The following UBR4 variants were observed in gnomAD, a reference collection of about 807,000 sequenced individuals.
UBR4 encodes the protein E3 ubiquitin-protein ligase UBR4.
A neutral mutation model predicts 575.6 loss-of-function variants in UBR4; 124 were observed. The ratio of observed to expected loss-of-function variants is 0.22; its 90% CI spans 0.19 to 0.25. The LOEUF (loss-of-function observed/expected upper bound fraction) is 0.25, where lower values mean the gene tolerates loss of function less well. Among genes scored for constraint, UBR4 ranks in the 10% least tolerant of loss-of-function variants. The pLI is 1.00. For missense variants in UBR4, 4,818 were observed against 6,478.8 expected, an observed-to-expected ratio of 0.74 and a Z score of 8.80; for synonymous variants, 2,455 against 2,473.7, an observed-to-expected ratio of 0.99 and a Z score of 0.22.
chr1:19,151,417 C>G, intron 48 of UBR4: 2 of 611,832 alleles, frequency 3.3e-6, no homozygotes, highest in South Asian at 3.9e-5. Context: ...GAAATGAATA[C>G]TCAACACAGT....
At chr1:19,166,831 C>T (rs554647892) in intron 29 of UBR4, among the ~76,000 whole-genome samples, 191 bp downstream of exon 29, 4 of 150,172 alleles carry the variant, frequency 2.7e-5, no homozygotes, top group East Asian at 3.9e-4. Flanking sequence ...GCTTGAGCCC[C>T]GGAGGCAGAG....
intron 17 of UBR4, among the ~76,000 whole-genome samples, chr1:19,180,024 A>T (rs1032524290): frequency 7.9e-5 from 12 of 152,180 alleles, no homozygotes; most frequent in Admixed American, 3.9e-4. Flanking sequence ...GTTTCCGTGG[A>T]CTACACAGTT....
At chr1:19,143,777 T>A (rs1412586776) in intron 55 of UBR4, among the ~76,000 whole-genome samples, 1 of 152,228 alleles carries the variant, frequency 6.6e-6, no homozygotes, top group African/African-American at 2.4e-5. Context: ...TGGCCTTTAA[T>A]CTTTATTTTT....
intron 102 of UBR4, among the ~76,000 whole-genome samples, chr1:19,083,676 A>G (rs1484624007): frequency 6.6e-6 from 1 of 152,216 alleles, no homozygotes; most frequent in Non-Finnish European, 1.5e-5. Context: ...CTGGGACTAC[A>G]GGTGTGAGCC....
intron 51 of UBR4, 120 bp downstream of exon 51, chr1:19,147,873 C>G: frequency 1.4e-6 from 2 of 1,440,170 alleles, no homozygotes; most frequent in South Asian, 1.4e-5. Context: ...AAATGTAGGT[C>G]TAATCTGAAT....
chr1:19,160,487 T>G (rs2087151119), intron 38 of UBR4, among the ~76,000 whole-genome samples: 1 of 152,160 alleles, frequency 6.6e-6, no homozygotes, highest in Non-Finnish European at 1.5e-5. Context: ...CAGAGCAATC[T>G]TTCTAAACCA....
Position 19,103,144 on chromosome 1 carries a change from C to T in UBR4, c.12901+940G>A, listed in dbSNP as rs1023031065. On this transcript the variant is annotated intron_variant, in intron 87 of 105. Transcript: ENST00000375254. ...GGTCACAGTCAAAACTCATAAAACA[C>T]AACAAGACTTTAAGGTATCATCAGC... is the stretch of plus-strand genomic sequence containing the variant. 8.5e-5 allele frequency among the ~76,000 whole-genome samples: 13 copies of T among 152,122 alleles called. 1 individual carries two copies. The highest frequency in any genetic ancestry group is 8.5e-4 in the Admixed American group (13 of 15,268).
Position 19,173,025 on chromosome 1 carries a change from G to C in UBR4, c.3360C>G (p.Ser1120=), listed in dbSNP as rs1458100002. ...AGATCGCGGCATCAAGGGTGTAGAT[G>C]GACTGCAGACTGGGAATTTCATGCA... ...LQLHEIPSLQ[S]IYTLDAAISK... The change falls in exon 25 of 106, where the codon TCC becomes TCG. Residue 1120 remains serine (S), a synonymous_variant. Transcript: ENST00000375254. The C allele has an allele frequency of 1.2e-6, 2 of 1,613,644 alleles. No homozygotes were observed. Among genetic ancestry groups the C allele is most frequent in the Non-Finnish European group, 1.7e-6 (2 of 1,179,908 alleles).
chr1:19,170,702 T>C, intron 26 of UBR4, 60 bp downstream of exon 26: 6 of 1,608,462 alleles, frequency 3.7e-6, no homozygotes, highest in Non-Finnish European at 5.1e-6. Context: ...AGAGAAGCCA[T>C]AGTACTAGCA....
intron 53 of UBR4, 75 bp from the exon 54 acceptor site, chr1:19,144,982 G>C: frequency 6.4e-7 from 1 of 1,568,550 alleles, no homozygotes; most frequent in Non-Finnish European, 8.7e-7. Context: ...AGACAAAAGT[G>C]TAACCTTTTA....
rs12064816 is a variant in UBR4 at position 19,140,500 on chromosome 1, C to G, written c.8593+288G>C. On this transcript the variant is annotated intron_variant, in intron 58 of 105. Coordinates refer to ENST00000375254, the MANE Select transcript of UBR4 (RefSeq NM_020765.3). ...GAACTCTGACAAAGAACGCTGGAAG[C>G]TGAAGTGGAAGCCCTGTAGCTGATC... 5.3e-5 allele frequency among the ~76,000 whole-genome samples: 8 copies of G among 152,364 alleles called. No homozygotes were observed. The South Asian group carries it at 1.7e-3, about 32-fold the overall frequency.
rs545302577 is a variant in UBR4, at chr1:19,143,728, T to G, written c.8179+252A>C. On this transcript the variant is annotated intron_variant, in intron 55 of 105. Coordinates refer to ENST00000375254, the MANE Select transcript of UBR4 (RefSeq NM_020765.3). Reference sequence around the variant, plus strand: ...TGCAGGACCTTTGTGATGTGAATTTTCTGTATTTTGATTTTACTATGGTAC... The same window carrying G: ...TGCAGGACCTTTGTGATGTGAATTTGCTGTATTTTGATTTTACTATGGTAC... Among the ~76,000 whole-genome samples the G allele has an allele frequency of 8.0e-4, 122 of 152,384 alleles. 1 individual carries two copies. The highest frequency in any genetic ancestry group is 2.6e-3 in the African/African-American group (109 of 41,598).
intron 17 of UBR4, among the ~76,000 whole-genome samples, chr1:19,181,291 G>A (rs966686434): frequency 6.6e-6 from 1 of 151,948 alleles, no homozygotes; most frequent in African/African-American, 2.4e-5. Flanking sequence ...GTCCCAAAAG[G>A]CTGAGGGCAA....
intron 60 of UBR4, among the ~76,000 whole-genome samples, chr1:19,131,318 G>C (rs2082427380): frequency 7.2e-6 from 1 of 139,406 alleles, no homozygotes; most frequent in Non-Finnish European, 1.5e-5. Flanking sequence ...GTGACTTAAA[G>C]TAAAATTCTG....
intron 65 of UBR4, 85 bp from the exon 66 acceptor site, chr1:19,123,145 A>C (rs1309636019): frequency 5.6e-6 from 8 of 1,439,250 alleles, no homozygotes; most frequent in Non-Finnish European, 7.6e-6. Context: ...GGGTTTTAAT[A>C]AACTGTTATT....
At chr1:19,123,461 A>AC (rs1386365519) in intron 65 of UBR4, among the ~76,000 whole-genome samples, 4 of 151,628 alleles carry the variant, frequency 2.6e-5, no homozygotes, top group Admixed American at 2.0e-4. Context: ...TAAAAAAAAA[A>AC]AAAAAAACAA....
rs1266170846 is a variant in UBR4, at chr1:19,184,096, T to G, written c.2018A>C (p.Tyr673Ser). Residue 673 changes from tyrosine (Y) to serine (S), a missense_variant, in exon 16 of 106, where the codon TAT becomes TCT. Tyr to Ser is a moderately radical substitution (Grantham distance 144). Transcript: ENST00000375254. ...LNSRNNFIRN[Y>S]LSVSLSEHHM... The stretch of plus-strand genomic sequence containing the variant: ...GTGTTCTGAAAGAGATACACTCAGA[T>G]AGTTTCGGATAAAATTGTTCCGAGA... 1 of 1,614,136 alleles carries G rather than the reference T, an allele frequency of 6.2e-7. No homozygotes were observed. Among genetic ancestry groups the G allele is most frequent in the South Asian group, 1.1e-5 (1 of 91,086 alleles).
chr1:19,154,155 T>C (rs566447542), intron 44 of UBR4, among the ~76,000 whole-genome samples: 1 of 152,076 alleles, frequency 6.6e-6, no homozygotes, highest in South Asian at 2.1e-4. Context: ...TCATTTGGAG[T>C]CTCCACTGTG....
intron 37 of UBR4, 46 bp downstream of exon 37, chr1:19,161,543 T>C (rs1378828703): frequency 3.2e-6 from 5 of 1,544,832 alleles, no homozygotes; most frequent in South Asian, 1.2e-5. Flanking sequence ...AGTAATCCCG[T>C]GTCACTAACA....
Sources: gnomAD v4.1 joint callset for allele counts (sites outside exome capture counted in the v4.1 genomes callset) on GRCh38, gnomAD v4.1.1 for gene constraint, MANE v1.5 for transcripts, NCBI Gene and HGNC (gene_info 2026-07-23, HGNC 2026-07-21) for gene names.